XPO6: variants seen among roughly 807,000 people sequenced by gnomAD.
XPO6 encodes the protein exportin 6.
XPO6 carries 3 observed loss-of-function variants against 130.0 expected under a neutral mutation model. That is an observed-to-expected ratio of 0.02 (90% CI 0.01 to 0.06). The LOEUF (loss-of-function observed/expected upper bound fraction) is 0.06, where lower values mean the gene tolerates loss of function less well. Ranked by LOEUF, XPO6 falls within the 10% of genes least tolerant of loss-of-function variation. The probability of loss-of-function intolerance (pLI) is 1.00; values close to 1 mark genes in which losing one functional copy is unlikely to be tolerated. For synonymous variants in XPO6, 524 were observed against 548.9 expected (o/e 0.95, Z 0.63); for missense variants, 970 against 1,393.0 (o/e 0.70, Z 4.83).
chr16:28,178,820 G>A (rs954688147), intron 2 of XPO6, among the ~76,000 whole-genome samples: 19 of 151,736 alleles, frequency 1.3e-4, no homozygotes, highest in African/African-American at 4.3e-4. Flanking sequence ...GTTAATCCCA[G>A]CACTTTCGGA....
At chr16:28,208,089 T>A (rs2044062661) in intron 1 of XPO6, among the ~76,000 whole-genome samples, 1 of 152,006 alleles carries the variant, frequency 6.6e-6, no homozygotes, top group Non-Finnish European at 1.5e-5. Flanking sequence ...GAGGTTGCAG[T>A]GATCCAAGAT....
chr16:28,150,814 T>C (rs2043072973), intron 8 of XPO6, among the ~76,000 whole-genome samples: 1 of 152,072 alleles, frequency 6.6e-6, no homozygotes, highest in Non-Finnish European at 1.5e-5. Flanking sequence ...ATGGTCTCCT[T>C]TAAAATTCCT....
At chr16:28,152,886 G>A (rs1195487062) in intron 7 of XPO6, 101 bp from the exon 8 acceptor site, 1 of 1,463,782 alleles carries the variant, frequency 6.8e-7, no homozygotes, top group Non-Finnish European at 9.0e-7. Context: ...ATACAAATTT[G>A]TAATATATTT....
chr16:28,118,013 C>A (rs890573990), intron 14 of XPO6, among the ~76,000 whole-genome samples: 3 of 152,086 alleles, frequency 2.0e-5, no homozygotes, highest in Non-Finnish European at 2.9e-5. Flanking sequence ...AAATATACAT[C>A]AAAAAAGTAT....
chr16:28,152,551 T>C, intron 8 of XPO6, 108 bp downstream of exon 8: 7 of 1,342,520 alleles, frequency 5.2e-6, no homozygotes, highest in Non-Finnish European at 7.0e-6. Context: ...ATAATAAGCA[T>C]TATATTAATG....
intron 14 of XPO6, among the ~76,000 whole-genome samples, chr16:28,118,890 G>A (rs1254558373): frequency 6.6e-6 from 1 of 152,132 alleles, no homozygotes; most frequent in Non-Finnish European, 1.5e-5. Flanking sequence ...TTTTCTCCAA[G>A]GTGCTCTGGA....
chr16:28,197,951 C>A (rs1205299654), intron 1 of XPO6, among the ~76,000 whole-genome samples: 16 of 58,306 alleles, frequency 2.7e-4, no homozygotes, highest in Admixed American at 8.3e-4. Context: ...GTTCAGACTA[C>A]ATCTAAGTTT....
At chr16:28,168,085 T>C (rs1350209196) in intron 5 of XPO6, among the ~76,000 whole-genome samples, 1 of 152,304 alleles carries the variant, frequency 6.6e-6, no homozygotes, top group East Asian at 1.9e-4. Flanking sequence ...GTGAGTTTTA[T>C]CTCAATTTTT....
chr16:28,183,081 C>G (rs1460090509), intron 1 of XPO6, among the ~76,000 whole-genome samples: 1 of 152,166 alleles, frequency 6.6e-6, no homozygotes, highest in East Asian at 1.9e-4. Context: ...GATCCTGCAG[C>G]AAACTTGAGC....
At chr16:28,163,016 G>C (rs1210437224) in intron 6 of XPO6, among the ~76,000 whole-genome samples, 1 of 152,140 alleles carries the variant, frequency 6.6e-6, no homozygotes, top group Non-Finnish European at 1.5e-5. Flanking sequence ...GTGTTTAGCA[G>C]CATCCCTGGC....
chr16:28,124,224 A>T (rs1311386425), intron 13 of XPO6, among the ~76,000 whole-genome samples: 2 of 151,930 alleles, frequency 1.3e-5, no homozygotes, highest in Non-Finnish European at 2.9e-5. Context: ...CGCCCGGCTA[A>T]TTTTTGTATT....
chr16:28,172,367 C>G (rs1340490954), intron 4 of XPO6, among the ~76,000 whole-genome samples: 1 of 152,144 alleles, frequency 6.6e-6, no homozygotes, highest in Non-Finnish European at 1.5e-5. Context: ...GCGTGAACTT[C>G]TGAAAAGGTT....
At chr16:28,114,252 C>T (rs1048688383) in intron 15 of XPO6, among the ~76,000 whole-genome samples, 9 of 145,736 alleles carry the variant, frequency 6.2e-5, no homozygotes, top group African/African-American at 1.3e-4. Context: ...AGTTGCTGTA[C>T]ATATGTAAAG....
At chr16:28,210,670 G>A (rs1332255057) in intron 1 of XPO6, among the ~76,000 whole-genome samples, 6 of 152,216 alleles carry the variant, frequency 3.9e-5, no homozygotes, top group Non-Finnish European at 7.3e-5. Context: ...ACATTTAGGG[G>A]AGTATTGAAA....
intron 23 of XPO6, chr16:28,100,909 G>A (rs1471608283): frequency 1.1e-5 from 2 of 178,532 alleles, no homozygotes; most frequent in African/African-American, 4.8e-5. Flanking sequence ...CTGCACAGGT[G>A]GCAGCAGTGG....
chr16:28,131,988 G>A (rs893422579), intron 12 of XPO6, among the ~76,000 whole-genome samples: 1 of 152,224 alleles, frequency 6.6e-6, no homozygotes, highest in African/African-American at 2.4e-5. Flanking sequence ...AAGTGAGCAG[G>A]AAGCAAGAAA....
In XPO6 at chr16:28,194,839, C is replaced by T. The variant is rs186914141; in HGVS notation, c.4-13808G>A. ...AAACCATTTCATCACCTGGCCCTAA[C>T]CTAGCTGACTTACTGTCCCCACCTC... On this transcript the variant is annotated intron_variant, in intron 1 of 23. Coordinates refer to ENST00000304658, the MANE Select transcript of XPO6 (RefSeq NM_015171.4). Among the ~76,000 whole-genome samples the T allele has an allele frequency of 5.9e-5, 9 of 152,030 alleles. No homozygotes were observed. In the East Asian group the frequency reaches 1.7e-3, roughly 29 times the overall value.
At chr16:28,130,961 G>T (rs375687364) in intron 12 of XPO6, among the ~76,000 whole-genome samples, 104 of 152,228 alleles carry the variant, frequency 6.8e-4, no homozygotes, top group African/African-American at 2.3e-3. Context: ...ATCAAGAACA[G>T]TGTCTTCAGG....
intron 12 of XPO6, among the ~76,000 whole-genome samples, chr16:28,128,332 G>T (rs1438115617): frequency 6.6e-6 from 1 of 152,130 alleles, no homozygotes; most frequent in Admixed American, 6.5e-5. Flanking sequence ...GGGGAGGCCA[G>T]CTTTTCTTTC....
Sources: allele counts gnomAD v4.1 joint callset (sites outside exome capture counted in the v4.1 genomes callset), GRCh38; gene constraint gnomAD v4.1.1; transcripts MANE v1.5; gene names NCBI Gene and HGNC (gene_info 2026-07-23, HGNC 2026-07-21).